TRMT10A: variants seen among roughly 807,000 people sequenced by gnomAD.
TRMT10A encodes the protein tRNA methyltransferase 10 homolog A.
TRMT10A carries 37 observed loss-of-function variants against 40.4 expected under a neutral mutation model. The observed-to-expected ratio is 0.92, with a 90% confidence interval of 0.71 to 1.21. TRMT10A has a LOEUF of 1.21. Among genes scored for constraint, TRMT10A ranks in the 50% most tolerant of loss-of-function variants. The pLI is 0.00. For missense variants in TRMT10A, 388 were observed against 404.3 expected, an observed-to-expected ratio of 0.96 and a Z score of 0.35; for synonymous variants, 103 against 134.1, an observed-to-expected ratio of 0.77 and a Z score of 1.60.
intron 6 of TRMT10A, among the ~76,000 whole-genome samples, chr4:99,553,094 A>G (rs1279435970): frequency 6.6e-6 from 1 of 152,172 alleles, no homozygotes; most frequent in East Asian, 1.9e-4. Flanking sequence ...CAACTGTCCA[A>G]TTGGTAGCCA....
intron 1 of TRMT10A, among the ~76,000 whole-genome samples, chr4:99,559,758 T>C (rs138764179): frequency 0.24 from 36,708 of 149,996 alleles, 3,331 homozygotes; most frequent in Middle Eastern, 0.33. Context: ...AGTGAAAAGT[T>C]AGAAACCTCC....
chr4:99,557,060 T>C (rs1376780064), intron 4 of TRMT10A, among the ~76,000 whole-genome samples: 4 of 152,148 alleles, frequency 2.6e-5, no homozygotes. Flanking sequence ...ACTGAAAAAC[T>C]GGTATAAAAA....
In TRMT10A at chr4:99,547,796, TTATA is replaced by T. The variant is rs1723794251; in HGVS notation, c.*1288_*1291del. ...GTTAGTATGTAACATATATAGTATG[TTATA>T]TACTTTTTAAATATAACTTTTATAT... On this transcript the variant is annotated 3_prime_UTR_variant, in exon 8 of 8. Coordinates refer to ENST00000394876, the MANE Select transcript of TRMT10A (RefSeq NM_001134665.3). 6.6e-6 allele frequency: 1 copy of T among 152,068 alleles called. No individual in the cohort carries two copies. Among genetic ancestry groups the T allele is most frequent in the East Asian group, 1.9e-4 (1 of 5,186 alleles). 9.4% of individuals were successfully genotyped at this position (152,068 alleles called of 1,614,324 possible).
In TRMT10A at chr4:99,548,961, CA is replaced by C. The variant is rs1273119857; in HGVS notation, c.*126del. 1.6e-4 allele frequency: 153 copies of C among 979,042 alleles called. No individual in the cohort carries two copies. The highest frequency in any genetic ancestry group is 3.4e-4 in the Middle Eastern group (1 of 2,906). 60.6% of individuals were successfully genotyped at this position (979,042 alleles called of 1,614,324 possible). ...TTTTTTTTTTATTATTATTTAGGTC[CA>C]AAAAAAAGTTTTTAAAAATCACAAC... On this transcript the variant is annotated 3_prime_UTR_variant, in exon 8 of 8. Transcript: ENST00000394876.
At position 99,553,850 on chromosome 4, in the gene TRMT10A, G is replaced by A. The variant is rs1271680692; in HGVS notation, c.580C>T (p.Leu194=). The change falls in exon 6 of 8, where the codon CTG becomes TTG. Residue 194 remains leucine, a synonymous_variant. Transcript: ENST00000394876. ...IYLTSDSPNI[L]KELDESKAYV... ...GCCTTTGATTCATCTAATTCCTTCAGTATATTAGGTGAATCTGACGTAAGG... is the reference window on the plus strand; with the variant it reads ...GCCTTTGATTCATCTAATTCCTTCAATATATTAGGTGAATCTGACGTAAGG... The A allele has an allele frequency of 1.2e-6, 2 of 1,613,036 alleles. No homozygotes were observed. Among genetic ancestry groups the A allele is most frequent in the South Asian group, 2.2e-5 (2 of 91,064 alleles).
At chr4:99,554,381 A>G (rs1724078048) in intron 5 of TRMT10A, among the ~76,000 whole-genome samples, 1 of 152,224 alleles carries the variant, frequency 6.6e-6, no homozygotes, top group South Asian at 2.1e-4. Flanking sequence ...TCTATGACCA[A>G]AGAATGCCTT....
chr4:99,554,446 C>T (rs771419427), intron 5 of TRMT10A, among the ~76,000 whole-genome samples: 2 of 152,066 alleles, frequency 1.3e-5, no homozygotes, highest in African/African-American at 2.4e-5. Context: ...TAGCTGGCCA[C>T]GTGCGGTGGC....
At chr4:99,555,665 C>T (rs1307174284) in intron 5 of TRMT10A, among the ~76,000 whole-genome samples, 1 of 152,084 alleles carries the variant, frequency 6.6e-6, no homozygotes, top group African/African-American at 2.4e-5. Flanking sequence ...TTTTGTGGTA[C>T]TGAGTCTTTG....
chr4:99,561,445 C>A (rs1724391102), intron 1 of TRMT10A, among the ~76,000 whole-genome samples: 1 of 151,876 alleles, frequency 6.6e-6, no homozygotes, highest in African/African-American at 2.4e-5. Context: ...TCTTCATCAT[C>A]ATCATCATCA....
In TRMT10A at chr4:99,559,264, T is replaced by C; in HGVS notation, c.75A>G (p.Gln25=). 1.2e-6 allele frequency: 2 copies of C among 1,613,638 alleles called. No individual in the cohort carries two copies. Among genetic ancestry groups the C allele is most frequent in the Non-Finnish European group, 1.7e-6 (2 of 1,179,654 alleles). ...VDKKQGINED[Q]EESQKPRLGE... is the part of the protein sequence containing the mutation. ...CTAATCTTGGCTTCTGGCTCTCCTC[T>C]TGATCTTCATTTATGCCTTGCTTTT... is the stretch of plus-strand genomic sequence containing the variant. Residue 25 remains glutamine, a synonymous_variant, in exon 2 of 8, where the codon CAA becomes CAG. Transcript: ENST00000394876.
In TRMT10A at chr4:99,548,835, A is replaced by G. The variant is rs1301216797; in HGVS notation, c.*253T>C. 5.9e-6 allele frequency: 2 copies of G among 338,746 alleles called. No homozygotes were observed. The highest frequency in any genetic ancestry group is 5.3e-6 in the Non-Finnish European group (1 of 189,960). 21.0% of individuals were successfully genotyped at this position (338,746 alleles called of 1,614,324 possible). On this transcript the variant is annotated 3_prime_UTR_variant, in exon 8 of 8. Transcript: ENST00000394876. ...ATACTAATACAGTAAAATTATCTAG[A>G]AACTACTGAGGCTTTAAAAACAAAA...
At chr4:99,551,927 T>A (rs6849109) in intron 6 of TRMT10A, among the ~76,000 whole-genome samples, 12,531 of 109,432 alleles carry the variant, frequency 0.11, 942 homozygotes, top group African/African-American at 0.28. Flanking sequence ...AAGAGGAAAA[T>A]TTTTTTTTTA....
chr4:99,552,199 A>G (rs1193420724), intron 6 of TRMT10A, among the ~76,000 whole-genome samples: 1 of 152,226 alleles, frequency 6.6e-6, no homozygotes, highest in African/African-American at 2.4e-5. Context: ...AGCAGTGTAC[A>G]GTAATATCCA....
chr4:99,557,367 C>T lies in TRMT10A; in HGVS notation c.398G>A (p.Arg133Gln), dbSNP rs10007569. 182 of 1,613,454 alleles carry T rather than the reference C, an allele frequency of 1.1e-4. No homozygotes were observed. In the African/African-American group the frequency reaches 2.2e-3, roughly 20 times the overall value. The change falls in exon 4 of 8, where the codon CGA becomes CAA. Residue 133 changes from arginine (R) to glutamine (Q), a missense_variant. Physicochemically the swap from Arg to Gln is conservative, Grantham distance 43 (BLOSUM62 1). Transcript: ENST00000394876. ...KQIQRCYAEN[R>Q]RALHPVQFYL... ...TACCTGCACAGGATGCAGTGCCCGT[C>T]GGTTTTCTGCGTAACATCGTTGAAT... is the stretch of plus-strand genomic sequence containing the variant.
chr4:99,556,370 G>C, intron 4 of TRMT10A, 150 bp from the exon 5 acceptor site: 1 of 688,036 alleles, frequency 1.5e-6, no homozygotes, highest in Non-Finnish European at 2.4e-6. Context: ...GACATGCTTT[G>C]AGCAAACAAT....
intron 6 of TRMT10A, among the ~76,000 whole-genome samples, chr4:99,552,743 A>T: frequency 6.6e-6 from 1 of 152,188 alleles, no homozygotes; most frequent in East Asian, 1.9e-4. Context: ...TTCCCTGTCA[A>T]TTAAAAAAAT....
intron 4 of TRMT10A, among the ~76,000 whole-genome samples, chr4:99,556,556 C>T (rs979638758): frequency 6.6e-6 from 1 of 151,998 alleles, no homozygotes; most frequent in Non-Finnish European, 1.5e-5. Flanking sequence ...TAAAACAATA[C>T]AAAGTCTTCA....
At chr4:99,562,940 GCC>G (rs915523891) in intron 1 of TRMT10A, among the ~76,000 whole-genome samples, 1 of 152,028 alleles carries the variant, frequency 6.6e-6, no homozygotes, top group Non-Finnish European at 1.5e-5. Context: ...TCCTGCCTCA[GCC>G]CCCCCAGTAG....
intron 1 of TRMT10A, among the ~76,000 whole-genome samples, chr4:99,562,178 A>AT (rs958035484): frequency 1.6e-5 from 2 of 127,610 alleles, no homozygotes; most frequent in African/African-American, 6.2e-5. Context: ...CTCCAAAAAA[A>AT]AAAAAAAATT....
Sources: allele counts gnomAD v4.1 joint callset (sites outside exome capture counted in the v4.1 genomes callset), GRCh38; gene constraint gnomAD v4.1.1; transcripts MANE v1.5; gene names NCBI Gene and HGNC (gene_info 2026-07-23, HGNC 2026-07-21).